XPO5: variants seen among roughly 807,000 people sequenced by gnomAD.
XPO5 encodes exportin 5, also known as exportin-5.
A neutral mutation model predicts 160.6 loss-of-function variants in XPO5; 46 were observed. The observed-to-expected ratio is 0.29, with a 90% CI of 0.23 to 0.37. XPO5 has a LOEUF of 0.37. XPO5 is among the 10% of genes least tolerant of loss of function. The pLI is 1.00. For synonymous variants in XPO5, 537 were observed against 519.3 expected (o/e 1.03, Z -0.46); for missense variants, 1,090 against 1,463.9 (o/e 0.74, Z 4.17).
intron 21 of XPO5, among the ~76,000 whole-genome samples, chr6:43,531,813 A>C (rs1261671975): frequency 6.6e-6 from 1 of 151,980 alleles, no homozygotes; most frequent in Non-Finnish European, 1.5e-5. Flanking sequence ...TTTTTCCCCC[A>C]GATGGAACCT....
In XPO5 at chr6:43,548,944, T is replaced by C. The variant is rs116313506; in HGVS notation, c.1861-484A>G. Among the ~76,000 whole-genome samples, 747 of 152,312 alleles carry C rather than the reference T, an allele frequency of 4.9e-3. 5 individuals carry two copies. Among genetic ancestry groups the C allele is most frequent in the African/African-American group, 0.016 (679 of 41,566 alleles). ...CACATAGTAAAGAGTTGTAGAATTA[T>C]AGGGGTAAACTTAGTAATCTATATG... On this transcript the variant is annotated intron_variant, in intron 17 of 31. Transcript: ENST00000265351.
chr6:43,561,789 A>G (rs1762430137), intron 9 of XPO5: 1 of 154,698 alleles, frequency 6.5e-6, no homozygotes, highest in African/African-American at 2.4e-5. Flanking sequence ...CTTCCAACTT[A>G]TAAGACTGAG....
At chr6:43,562,163 T>C (rs1220338509) in intron 9 of XPO5, 84 bp downstream of exon 9, 12 of 1,087,292 alleles carry the variant, frequency 1.1e-5, no homozygotes, top group African/African-American at 3.1e-5. Flanking sequence ...TCAATGACAT[T>C]TGCAACCCCT....
intron 1 of XPO5, among the ~76,000 whole-genome samples, 193 bp downstream of exon 1, chr6:43,575,567 C>G (rs1763270280): frequency 6.6e-6 from 1 of 152,188 alleles, no homozygotes; most frequent in African/African-American, 2.4e-5. Context: ...AGGCAAAGGA[C>G]AGGAGCGGCG....
intron 8 of XPO5, 145 bp downstream of exon 8, chr6:43,565,515 A>G: frequency 1.6e-6 from 1 of 622,290 alleles, no homozygotes; most frequent in Non-Finnish European, 2.5e-6. Context: ...TGGTGAGCCA[A>G]GATCGCGCCA....
At chr6:43,538,116 T>C (rs1393691412) in intron 20 of XPO5, among the ~76,000 whole-genome samples, 5 of 125,258 alleles carry the variant, frequency 4.0e-5, no homozygotes, top group Non-Finnish European at 8.4e-5. Context: ...AAGGAACTTA[T>C]AAATTTAGAG....
chr6:43,545,392 G>A (rs1252404769), intron 20 of XPO5, among the ~76,000 whole-genome samples: 3 of 152,184 alleles, frequency 2.0e-5, no homozygotes, highest in Non-Finnish European at 2.9e-5. Flanking sequence ...CTGAAACAGA[G>A]CTCTAACAAT....
At chr6:43,546,007 G>C (rs1166222275) in intron 20 of XPO5, among the ~76,000 whole-genome samples, 2 of 152,102 alleles carry the variant, frequency 1.3e-5, no homozygotes, top group Non-Finnish European at 2.9e-5. Flanking sequence ...TTCTGCCTTT[G>C]AAATAAGCTC....
intron 22 of XPO5, among the ~76,000 whole-genome samples, chr6:43,531,128 C>A (rs1042417325): frequency 6.6e-6 from 1 of 152,214 alleles, no homozygotes; most frequent in Non-Finnish European, 1.5e-5. Context: ...CCCCAACCCA[C>A]AACCAGTATC....
In XPO5 at chr6:43,524,352, C is replaced by CA. The variant is rs368583529; in HGVS notation, c.3477+118dup. On this transcript the variant is annotated intron_variant, in intron 31 of 31. Coordinates refer to ENST00000265351, the MANE Select transcript of XPO5 (RefSeq NM_020750.3). ...GGGCAACAAGAGTGAAACCCCATCT[C>CA]AAAAAAAAAAAAAAAAAAATCTCAC... 0.067 allele frequency: 71,032 copies of CA among 1,062,066 alleles called. 11 individuals are homozygous for CA. The highest frequency in any genetic ancestry group is 0.071 in the Non-Finnish European group (56,567 of 801,334). 65.8% of individuals were successfully genotyped at this position (1,062,066 alleles called of 1,614,324 possible).
At chr6:43,531,640 C>G in intron 21 of XPO5, 65 bp from the exon 22 acceptor site, 2 of 1,379,416 alleles carry the variant, frequency 1.4e-6, no homozygotes, top group Non-Finnish European at 2.1e-6. Context: ...GGCCAACACT[C>G]TACAGCAGGA....
intron 25 of XPO5, 89 bp downstream of exon 25, chr6:43,528,070 G>A: frequency 7.5e-7 from 1 of 1,327,762 alleles, no homozygotes; most frequent in Non-Finnish European, 1.1e-6. Flanking sequence ...TTCTACCCTG[G>A]GACAGCAGAA....
intron 20 of XPO5, chr6:43,539,483 T>C: frequency 1.9e-6 from 3 of 1,573,166 alleles, no homozygotes; most frequent in Non-Finnish European, 1.7e-6. Flanking sequence ...GGACTTGATC[T>C]TCATGTCCTT....
chr6:43,553,141 T>C (rs2127735098), intron 14 of XPO5, among the ~76,000 whole-genome samples: 1 of 151,980 alleles, frequency 6.6e-6, no homozygotes, highest in East Asian at 1.9e-4. Flanking sequence ...CAGACTCCAT[T>C]TTTATTATAA....
At chr6:43,552,901 C>G (rs912853518) in intron 14 of XPO5, among the ~76,000 whole-genome samples, 1 of 152,142 alleles carries the variant, frequency 6.6e-6, no homozygotes, top group African/African-American at 2.4e-5. Flanking sequence ...TTAGAAAGAC[C>G]TGAGTTTTGG....
intron 25 of XPO5, 73 bp downstream of exon 25, chr6:43,528,086 G>A: frequency 6.9e-7 from 1 of 1,446,068 alleles, no homozygotes; most frequent in Non-Finnish European, 9.5e-7. Flanking sequence ...CAGAATCCCT[G>A]CCCGCTTCCT....
chr6:43,524,106 T>C, intron 31 of XPO5, 101 bp from the exon 32 acceptor site: 2 of 1,495,596 alleles, frequency 1.3e-6, no homozygotes, highest in Non-Finnish European at 1.8e-6. Context: ...ATCCCAACAC[T>C]TTTGGGAGGC....
chr6:43,528,332 T>C (rs1793727542), intron 24 of XPO5, 127 bp from the exon 25 acceptor site: 1 of 872,420 alleles, frequency 1.1e-6, no homozygotes, highest in Non-Finnish European at 1.8e-6. Flanking sequence ...TGACAACTTC[T>C]GTAGACTCCA....
At chr6:43,541,252 C>A (rs1204306457) in intron 20 of XPO5, among the ~76,000 whole-genome samples, 1 of 152,074 alleles carries the variant, frequency 6.6e-6, no homozygotes, top group Non-Finnish European at 1.5e-5. Context: ...AGCATAACTG[C>A]AGTTGACTAT....
Sources: gnomAD v4.1 joint callset for allele counts (sites outside exome capture counted in the v4.1 genomes callset) on GRCh38, gnomAD v4.1.1 for gene constraint, MANE v1.5 for transcripts, NCBI Gene and HGNC (gene_info 2026-07-23, HGNC 2026-07-21) for gene names.